Variants in FHIT observed in about 807,000 individuals in gnomAD.
FHIT encodes bis(5'-adenosyl)-triphosphatase.
Under a neutral mutation model 17.9 loss-of-function variants are expected in FHIT, and 19 were observed. That is an observed-to-expected ratio of 1.06 (90% confidence interval 0.74 to 1.56). The LOEUF (loss-of-function observed/expected upper bound fraction) is 1.56. Ranked by LOEUF, FHIT falls within the 40% of genes most tolerant of loss-of-function variation. The probability of loss-of-function intolerance (pLI) is 0.00; values close to 1 mark genes in which losing one functional copy is unlikely to be tolerated. For missense variants in FHIT, 248 were observed against 189.2 expected (o/e 1.31, Z -1.82); for synonymous variants, 81 against 69.7 (o/e 1.16, Z -0.81).
At chr3:60,654,211 T>C (rs557158880) in intron 4 of FHIT, among the ~76,000 whole-genome samples, 99 of 152,290 alleles carry the variant, frequency 6.5e-4, no homozygotes, top group African/African-American at 2.3e-3. Context: ...CATGAGCCAA[T>C]TAAACCTCTT....
chr3:60,724,866 C>G (rs2107972520), intron 4 of FHIT, among the ~76,000 whole-genome samples: 1 of 152,234 alleles, frequency 6.6e-6, no homozygotes, highest in Admixed American at 6.5e-5. Context: ...CCAGGCTGGT[C>G]TCAAACTCCT....
intron 5 of FHIT, among the ~76,000 whole-genome samples, chr3:60,465,671 G>A (rs1223979633): frequency 1.3e-5 from 2 of 151,926 alleles, no homozygotes; most frequent in Non-Finnish European, 2.9e-5. Flanking sequence ...GCATATTCTT[G>A]GCAACTTTGT....
At chr3:60,105,654 C>T (rs574594208) in intron 5 of FHIT, among the ~76,000 whole-genome samples, 18 of 152,246 alleles carry the variant, frequency 1.2e-4, no homozygotes, top group South Asian at 6.2e-4. Flanking sequence ...ACTTCCTTTG[C>T]TCTGCCATGT....
At chr3:60,180,626 T>A (rs1701887180) in intron 5 of FHIT, among the ~76,000 whole-genome samples, 1 of 152,208 alleles carries the variant, frequency 6.6e-6, no homozygotes, top group Non-Finnish European at 1.5e-5. Flanking sequence ...AAAATGTACA[T>A]TTTATATTTT....
intron 8 of FHIT, among the ~76,000 whole-genome samples, chr3:59,777,213 G>A (rs1414052954): frequency 6.6e-6 from 1 of 152,058 alleles, no homozygotes; most frequent in Non-Finnish European, 1.5e-5. Context: ...TTCCCAACCA[G>A]GTGGTCTCAT....
chr3:60,129,049 G>GTTTTTTTTTTTTTTTTTTTTTTTTT lies in FHIT; in HGVS notation c.104-114898_104-114897insAAAAAAAAAAAAAAAAAAAAAAAAA, dbSNP rs1553692328. Reference sequence around the variant, plus strand: ...TTTCCCTTTTCTTCTTTCCTTTTTTGTTTGTTTTTTTTTTTTTTTTTGAAA... The same window carrying GTTTTTTTTTTTTTTTTTTTTTTTTT: ...TTTCCCTTTTCTTCTTTCCTTTTTTGTTTTTTTTTTTTTTTTTTTTTTTTTTTTGTTTTTTTTTTTTTTTTTGAAA... On this transcript the variant is annotated intron_variant, in intron 5 of 9. Coordinates refer to ENST00000492590, the MANE Select transcript of FHIT (RefSeq NM_002012.4). Among the ~76,000 whole-genome samples the GTTTTTTTTTTTTTTTTTTTTTTTTT allele has an allele frequency of 2.5e-5, 3 of 121,042 alleles. 1 individual carries two copies. Among genetic ancestry groups the GTTTTTTTTTTTTTTTTTTTTTTTTT allele is most frequent in the Non-Finnish European group, 4.9e-5 (3 of 61,742 alleles). 79.4% of individuals were successfully genotyped at this position (121,042 alleles called of 152,430 possible).
chr3:61,158,967 T>A (rs1048839308), intron 2 of FHIT, among the ~76,000 whole-genome samples: 3 of 152,216 alleles, frequency 2.0e-5, no homozygotes, highest in Admixed American at 1.3e-4. Context: ...AAAAGTCCCA[T>A]GATATTAGAC....
intron 2 of FHIT, among the ~76,000 whole-genome samples, chr3:61,083,104 T>G (rs1290555603): frequency 1.3e-5 from 2 of 152,244 alleles, no homozygotes; most frequent in African/African-American, 4.8e-5. Flanking sequence ...TTCATAAACT[T>G]TCCATTTTGA....
At chr3:60,414,288 TG>T (rs1356187814) in intron 5 of FHIT, among the ~76,000 whole-genome samples, 1 of 152,186 alleles carries the variant, frequency 6.6e-6, no homozygotes, top group African/African-American at 2.4e-5. Flanking sequence ...TCCCAGGTGA[TG>T]CTGATGTCAC....
At chr3:60,181,740 T>G (rs1359677591) in intron 5 of FHIT, among the ~76,000 whole-genome samples, 1 of 152,236 alleles carries the variant, frequency 6.6e-6, no homozygotes, top group Non-Finnish European at 1.5e-5. Context: ...TTGCATTTAT[T>G]GACTTTAATT....
chr3:60,914,493 A>G (rs1384481802), intron 3 of FHIT, among the ~76,000 whole-genome samples: 1 of 151,946 alleles, frequency 6.6e-6, no homozygotes, highest in East Asian at 1.9e-4. Flanking sequence ...AGACTTGCAT[A>G]GGAAAATGAG....
intron 8 of FHIT, among the ~76,000 whole-genome samples, chr3:59,798,799 CTG>C (rs1431967685): frequency 6.6e-6 from 1 of 152,228 alleles, no homozygotes; most frequent in East Asian, 1.9e-4. Context: ...TTGTTTGACT[CTG>C]TGGTTTTTAG....
intron 7 of FHIT, among the ~76,000 whole-genome samples, chr3:60,000,359 C>T (rs1004752998): frequency 4.6e-5 from 7 of 152,204 alleles, no homozygotes; most frequent in African/African-American, 1.2e-4. Flanking sequence ...TATTGGAATA[C>T]GGCCATGCTT....
At chr3:60,886,403 A>G (rs1705224017) in intron 3 of FHIT, among the ~76,000 whole-genome samples, 1 of 152,234 alleles carries the variant, frequency 6.6e-6, no homozygotes, top group South Asian at 2.1e-4. Context: ...CTTTTCCATA[A>G]TTAATATGTC....
chr3:60,053,223 C>T (rs1575985151), intron 5 of FHIT, among the ~76,000 whole-genome samples: 1 of 151,818 alleles, frequency 6.6e-6, no homozygotes, highest in East Asian at 1.9e-4. Flanking sequence ...CCTTCCCTAA[C>T]CACACCACCT....
chr3:60,399,625 G>C (rs989504082), intron 5 of FHIT, among the ~76,000 whole-genome samples: 3 of 152,112 alleles, frequency 2.0e-5, no homozygotes, highest in African/African-American at 7.2e-5. Flanking sequence ...TTCTCTTTCA[G>C]AGGATAAATT....
chr3:60,020,369 C>G (rs1235050428), intron 5 of FHIT, among the ~76,000 whole-genome samples: 1 of 152,100 alleles, frequency 6.6e-6, no homozygotes, highest in Non-Finnish European at 1.5e-5. Flanking sequence ...ATATTATGAT[C>G]GGAGTTGCTC....
At chr3:59,996,324 C>T (rs1319935109) in intron 7 of FHIT, among the ~76,000 whole-genome samples, 1 of 152,012 alleles carries the variant, frequency 6.6e-6, no homozygotes, top group Non-Finnish European at 1.5e-5. Context: ...TAGAATGTGG[C>T]TTTGTGACTT....
intron 7 of FHIT, among the ~76,000 whole-genome samples, chr3:60,009,009 G>T (rs1700027358): frequency 6.6e-6 from 1 of 152,196 alleles, no homozygotes; most frequent in African/African-American, 2.4e-5. Flanking sequence ...AATAAGAACT[G>T]AGAATCAACT....
Sources: gnomAD v4.1 joint callset for allele counts (sites outside exome capture counted in the v4.1 genomes callset) on GRCh38, gnomAD v4.1.1 for gene constraint, MANE v1.5 for transcripts, NCBI Gene and HGNC (gene_info 2026-07-23, HGNC 2026-07-21) for gene names.